Variants in GRM5 observed in about 807,000 individuals in gnomAD.
GRM5 encodes the protein metabotropic glutamate receptor 5.
GRM5 carries 19 observed loss-of-function variants against 83.1 expected under a neutral mutation model. That is an observed-to-expected ratio of 0.23 (90% CI 0.16 to 0.34). The LOEUF is 0.34. Ranked by LOEUF, GRM5 falls within the 10% of genes least tolerant of loss-of-function variation. The probability of loss-of-function intolerance (pLI) is 1.00; values close to 1 mark genes in which losing one functional copy is unlikely to be tolerated. For synonymous variants in GRM5, 675 were observed against 633.6 expected (o/e 1.07, Z -0.98); for missense variants, 1,160 against 1,588.3 (o/e 0.73, Z 4.58).
Position 89,059,579 on chromosome 11 carries a change from G to A in GRM5, c.-201+6197C>T, listed in dbSNP as rs1038598736. On this transcript the variant is annotated intron_variant, in intron 1 of 9. Coordinates refer to ENST00000305447, the MANE Select transcript of GRM5 (RefSeq NM_001143831.3). The stretch of plus-strand genomic sequence containing the variant: ...GTTTGTACTGTGGGACATTGGACAA[G>A]TTATTTAATCTATGTTAGTATTATG... 8.5e-5 allele frequency among the ~76,000 whole-genome samples: 13 copies of A among 152,182 alleles called. No homozygotes were observed. The East Asian group carries it at 2.5e-3, about 29-fold the overall frequency.
chr11:88,782,382 A>G (rs940436204), intron 3 of GRM5, among the ~76,000 whole-genome samples: 1 of 152,154 alleles, frequency 6.6e-6, no homozygotes, highest in African/African-American at 2.4e-5. Flanking sequence ...CAGCAGGCGA[A>G]AAGAGAGCTT....
chr11:88,930,646 C>A (rs1937673468), intron 2 of GRM5, among the ~76,000 whole-genome samples: 1 of 152,012 alleles, frequency 6.6e-6, no homozygotes, highest in Non-Finnish European at 1.5e-5. Context: ...CTCCTGGGTT[C>A]AAGCAATTCT....
chr11:88,966,611 G>A (rs2134995036), intron 2 of GRM5, among the ~76,000 whole-genome samples: 1 of 152,170 alleles, frequency 6.6e-6, no homozygotes, highest in Non-Finnish European at 1.5e-5. Flanking sequence ...TGGTTATACT[G>A]TTCCTACTCT....
chr11:88,973,563 T>C (rs1939233894), intron 2 of GRM5, among the ~76,000 whole-genome samples: 1 of 152,016 alleles, frequency 6.6e-6, no homozygotes, highest in Non-Finnish European at 1.5e-5. Flanking sequence ...TAACCAACAT[T>C]AGTTGAAAGA....
intron 3 of GRM5, among the ~76,000 whole-genome samples, chr11:88,684,056 A>G (rs1411296573): frequency 1.3e-5 from 2 of 152,198 alleles, no homozygotes; most frequent in African/African-American, 4.8e-5. Context: ...ATGGAGGTCT[A>G]TGAAAACAAT....
intron 2 of GRM5, among the ~76,000 whole-genome samples, chr11:88,997,156 C>T (rs1392117156): frequency 1.3e-5 from 2 of 151,786 alleles, no homozygotes; most frequent in African/African-American, 4.8e-5. Context: ...GAAACCCCAG[C>T]TCTACTAAAA....
At chr11:88,837,908 C>A (rs1223951509) in intron 3 of GRM5, among the ~76,000 whole-genome samples, 2 of 151,574 alleles carry the variant, frequency 1.3e-5, no homozygotes, top group South Asian at 4.2e-4. Flanking sequence ...CACGGTGAAA[C>A]CCCGTTTCTA....
At chr11:88,611,792 T>C (rs1300790232) in intron 4 of GRM5, among the ~76,000 whole-genome samples, 2 of 152,236 alleles carry the variant, frequency 1.3e-5, no homozygotes, top group Non-Finnish European at 2.9e-5. Context: ...CTAGTTCTTC[T>C]TCCTTTCCTG....
chr11:88,971,042 A>G (rs530773239), intron 2 of GRM5, among the ~76,000 whole-genome samples: 6 of 151,550 alleles, frequency 4.0e-5, no homozygotes, highest in Non-Finnish European at 7.4e-5. Context: ...GTTTGTTAAC[A>G]ACGGCAGGAC....
At chr11:88,551,426 T>C (rs535784360) in intron 8 of GRM5, among the ~76,000 whole-genome samples, 1 of 152,310 alleles carries the variant, frequency 6.6e-6, no homozygotes, top group South Asian at 2.1e-4. Flanking sequence ...CATACTTGCA[T>C]TGAGCACTTA....
At chr11:88,537,617 C>G (rs1158470588) in intron 8 of GRM5, among the ~76,000 whole-genome samples, 1 of 152,098 alleles carries the variant, frequency 6.6e-6, no homozygotes, top group Non-Finnish European at 1.5e-5. Flanking sequence ...TTAAAAAGAT[C>G]AATATTATGC....
chr11:88,984,781 A>G, intron 2 of GRM5: 2 of 739,276 alleles, frequency 2.7e-6, no homozygotes, highest in Non-Finnish European at 5.1e-6. Flanking sequence ...TGCTGGGGAA[A>G]CAGAGAGACA....
At chr11:88,851,525 A>G (rs1346951445) in intron 2 of GRM5, among the ~76,000 whole-genome samples, 1 of 152,210 alleles carries the variant, frequency 6.6e-6, no homozygotes, top group Non-Finnish European at 1.5e-5. Flanking sequence ...ATGTTAGCTC[A>G]CTGCTCCTTA....
intron 2 of GRM5, among the ~76,000 whole-genome samples, chr11:89,037,589 T>C (rs1182650083): frequency 6.6e-6 from 1 of 151,912 alleles, no homozygotes; most frequent in Non-Finnish European, 1.5e-5. Flanking sequence ...ATAGTCTTGC[T>C]AGTTGAGGGA....
At chr11:88,825,651 A>C (rs1443557054) in intron 3 of GRM5, among the ~76,000 whole-genome samples, 2 of 152,196 alleles carry the variant, frequency 1.3e-5, no homozygotes, top group African/African-American at 4.8e-5. Context: ...TTAAATATGA[A>C]TAAATCTCTC....
chr11:88,932,451 A>C (rs1185654192), intron 2 of GRM5, among the ~76,000 whole-genome samples: 1 of 151,992 alleles, frequency 6.6e-6, no homozygotes, highest in Admixed American at 6.6e-5. Flanking sequence ...GTGATATGGA[A>C]ATTTTCATAA....
At chr11:88,947,549 CT>C (rs1938321921) in intron 2 of GRM5, among the ~76,000 whole-genome samples, 1 of 150,932 alleles carries the variant, frequency 6.6e-6, no homozygotes, top group South Asian at 2.1e-4. Context: ...TTTTTTTTCC[CT>C]ATTATCCCTC....
At chr11:88,733,786 A>T (rs907545409) in intron 3 of GRM5, among the ~76,000 whole-genome samples, 1 of 152,040 alleles carries the variant, frequency 6.6e-6, no homozygotes, top group Admixed American at 6.6e-5. Flanking sequence ...GTAACTGTTT[A>T]TTGTCCTAGG....
intron 2 of GRM5, among the ~76,000 whole-genome samples, chr11:88,988,234 G>A (rs1591024096): frequency 6.6e-6 from 1 of 152,282 alleles, no homozygotes; most frequent in East Asian, 1.9e-4. Flanking sequence ...AGTAGCCGAT[G>A]CAATCAACTG....
Sources: allele counts gnomAD v4.1 joint callset (sites outside exome capture counted in the v4.1 genomes callset), GRCh38; gene constraint gnomAD v4.1.1; transcripts MANE v1.5; gene names NCBI Gene and HGNC (gene_info 2026-07-23, HGNC 2026-07-21).